The following SLC22A15 variants were observed in gnomAD, a reference collection of about 807,000 sequenced individuals.
SLC22A15 encodes solute carrier family 22 member 15.
In SLC22A15, 45 loss-of-function variants were observed where a neutral mutation model predicts 62.7. That is an observed-to-expected ratio of 0.72 (90% CI 0.56 to 0.92). The LOEUF is 0.92. Among genes scored for constraint, SLC22A15 ranks in the 40% least tolerant of loss-of-function variants. The pLI, the probability that SLC22A15 is intolerant of heterozygous loss-of-function variation, is 0.00. For missense variants in SLC22A15, 622 were observed against 665.6 expected (o/e 0.93, Z 0.72); for synonymous variants, 264 against 267.0 (o/e 0.99, Z 0.11).
chr1:116,041,147 T>G (rs934162827), intron 8 of SLC22A15, among the ~76,000 whole-genome samples: 15 of 152,170 alleles, frequency 9.9e-5, no homozygotes, highest in Non-Finnish European at 1.5e-4. Flanking sequence ...AACACGGTTC[T>G]TAGTGAAGGA....
intron 4 of SLC22A15, among the ~76,000 whole-genome samples, chr1:116,022,060 T>C (rs892529435): frequency 1.3e-5 from 2 of 152,168 alleles, no homozygotes; most frequent in African/African-American, 4.8e-5. Flanking sequence ...TGTTTGCATC[T>C]CCACTAAACA....
chr1:116,008,506 T>C (rs936580926), intron 2 of SLC22A15, among the ~76,000 whole-genome samples: 2 of 152,204 alleles, frequency 1.3e-5, no homozygotes, highest in African/African-American at 4.8e-5. Flanking sequence ...CAAGAGATGA[T>C]ACTTGGCTCA....
chr1:116,069,530 A>G lies in SLC22A15; in HGVS notation c.*2422A>G, dbSNP rs1379470059. 1.3e-5 allele frequency: 2 copies of G among 152,142 alleles called. No individual in the cohort carries two copies. The highest frequency in any genetic ancestry group is 2.9e-5 in the Non-Finnish European group (2 of 68,014). 9.4% of individuals were successfully genotyped at this position (152,142 alleles called of 1,614,324 possible). A position where few individuals can be genotyped will look rare whatever the true frequency, so the allele number is the denominator to read the frequency against. On this transcript the variant is annotated 3_prime_UTR_variant, in exon 12 of 12. Transcript: ENST00000369503. ...CAAGAAAAATAAATGTAAGATATAT[A>G]AGAAACCCCAGAGTTTCCAGGGTGA...
chr1:116,051,527 T>C (rs979363675), intron 8 of SLC22A15, among the ~76,000 whole-genome samples: 6 of 152,108 alleles, frequency 3.9e-5, no homozygotes, highest in Admixed American at 6.5e-5. Context: ...GAGAATGAAA[T>C]TGCATACTCA....
chr1:116,060,071 A>T (rs1397125019), intron 8 of SLC22A15, among the ~76,000 whole-genome samples: 1 of 152,226 alleles, frequency 6.6e-6, no homozygotes, highest in East Asian at 1.9e-4. Context: ...ACAGCCAATA[A>T]TATCTGATTT....
chr1:116,052,355 G>A (rs1450577681), intron 8 of SLC22A15, among the ~76,000 whole-genome samples: 2 of 152,194 alleles, frequency 1.3e-5, no homozygotes, highest in Admixed American at 6.5e-5. Context: ...AGGGGCGCCC[G>A]CCATTGCCCA....
At chr1:116,020,588 A>G in intron 3 of SLC22A15, 133 bp from the exon 4 acceptor site, 1 of 805,370 alleles carries the variant, frequency 1.2e-6, no homozygotes, top group South Asian at 2.5e-5. Flanking sequence ...AAAAAACAAA[A>G]AGAAACCCAC....
intron 9 of SLC22A15, among the ~76,000 whole-genome samples, chr1:116,063,740 C>T (rs1557910928): frequency 6.6e-6 from 1 of 152,194 alleles, no homozygotes; most frequent in Non-Finnish European, 1.5e-5. Context: ...CACTCTGGGA[C>T]AATTTTGAGA....
chr1:116,014,614 C>T (rs532279166), intron 2 of SLC22A15, among the ~76,000 whole-genome samples: 2 of 152,228 alleles, frequency 1.3e-5, no homozygotes, highest in South Asian at 4.2e-4. Context: ...AGTACCTTAA[C>T]ATAAAAAGAA....
chr1:116,053,636 G>A (rs1301784467), intron 8 of SLC22A15, among the ~76,000 whole-genome samples: 1 of 152,182 alleles, frequency 6.6e-6, no homozygotes, highest in African/African-American at 2.4e-5. Context: ...AGGAAAAAAT[G>A]TTAAGGGCAG....
chr1:116,040,929 AT>A (rs1171712874), intron 8 of SLC22A15, among the ~76,000 whole-genome samples: 1 of 152,218 alleles, frequency 6.6e-6, no homozygotes, highest in East Asian at 1.9e-4. Flanking sequence ...GAACCAAAGT[AT>A]TCGTTGTAAA....
intron 8 of SLC22A15, among the ~76,000 whole-genome samples, chr1:116,053,783 A>G (rs1318250531): frequency 1.3e-5 from 2 of 152,144 alleles, no homozygotes; most frequent in Non-Finnish European, 2.9e-5. Flanking sequence ...TTCAACCCAG[A>G]ATTTCATATC....
At chr1:116,020,357 C>A (rs112713515) in intron 3 of SLC22A15, among the ~76,000 whole-genome samples, 7,686 of 151,168 alleles carry the variant, frequency 0.051, 679 homozygotes, top group African/African-American at 0.18. Context: ...TTGAGACCAT[C>A]CTGGCTAACA....
At chr1:116,006,411 T>C (rs1357536757) in intron 2 of SLC22A15, among the ~76,000 whole-genome samples, 1 of 152,074 alleles carries the variant, frequency 6.6e-6, no homozygotes, top group African/African-American at 2.4e-5. Context: ...ACTACTACTC[T>C]CAAGATAAAG....
intron 2 of SLC22A15, chr1:116,015,138 A>G (rs1371582088): frequency 6.6e-6 from 1 of 152,202 alleles, no homozygotes; most frequent in Non-Finnish European, 1.5e-5. Context: ...GAGATGAAGG[A>G]TGCAGAGGGC....
intron 2 of SLC22A15, 35 bp downstream of exon 2, chr1:115,992,278 T>C (rs1655184089): frequency 6.7e-7 from 1 of 1,495,926 alleles, no homozygotes; most frequent in East Asian, 2.5e-5. Context: ...TAAATAAATG[T>C]CTCTCTTTGT....
At chr1:116,035,095 C>G (rs1657583600) in intron 6 of SLC22A15, 92 bp from the exon 7 acceptor site, 11 of 1,311,290 alleles carry the variant, frequency 8.4e-6, no homozygotes, top group African/African-American at 4.4e-5. Context: ...TTATATTGAA[C>G]CAATATTTGA....
Position 116,068,818 on chromosome 1 carries a change from A to G in SLC22A15, c.*1710A>G, listed in dbSNP as rs1300084882. On this transcript the variant is annotated 3_prime_UTR_variant, in exon 12 of 12. Coordinates refer to ENST00000369503, the MANE Select transcript of SLC22A15 (RefSeq NM_018420.3). ...TCAACATCAGAATAGGAAGAGAGGA[A>G]GAACTTACAAAGACACTTAAAAGTT... 6.6e-6 allele frequency: 1 copy of G among 152,220 alleles called. No homozygotes were observed. Among genetic ancestry groups the G allele is most frequent in the African/African-American group, 2.4e-5 (1 of 41,474 alleles). 9.4% of individuals were successfully genotyped at this position (152,220 alleles called of 1,614,324 possible).
At chr1:116,043,156 G>A (rs1657834794) in intron 8 of SLC22A15, among the ~76,000 whole-genome samples, 1 of 152,194 alleles carries the variant, frequency 6.6e-6, no homozygotes, top group Admixed American at 6.5e-5. Flanking sequence ...CGGCACAGTG[G>A]TTCATGCCTG....
Sources: gnomAD v4.1 joint callset for allele counts (sites outside exome capture counted in the v4.1 genomes callset) on GRCh38, gnomAD v4.1.1 for gene constraint, MANE v1.5 for transcripts, NCBI Gene and HGNC (gene_info 2026-07-23, HGNC 2026-07-21) for gene names.